Variants in ROR1 observed in about 807,000 individuals in gnomAD.
The protein encoded by ROR1 is inactive tyrosine-protein kinase transmembrane receptor ROR1.
ROR1 carries 19 observed loss-of-function variants against 78.8 expected under a neutral mutation model. The ratio of observed to expected loss-of-function variants is 0.24; its 90% CI spans 0.17 to 0.35. The LOEUF (loss-of-function observed/expected upper bound fraction) is 0.35, where lower values mean the gene tolerates loss of function less well. Ranked by LOEUF, ROR1 falls within the 10% of genes least tolerant of loss-of-function variation. The pLI is 1.00. For missense variants in ROR1, 917 were observed against 1,177.8 expected, an observed-to-expected ratio of 0.78 and a Z score of 3.24; for synonymous variants, 386 against 433.6, an observed-to-expected ratio of 0.89 and a Z score of 1.36.
chr1:63,886,821 A>T (rs1308474964), intron 1 of ROR1, among the ~76,000 whole-genome samples: 1 of 152,204 alleles, frequency 6.6e-6, no homozygotes, highest in African/African-American at 2.4e-5. Context: ...CCTAAATCAG[A>T]ACCGTCAGCT....
rs186540012 is a variant in ROR1 at position 63,985,121 on chromosome 1, G to A, written c.92-24184G>A. ...AAATTTTTTGAGTCCCTGGGTCTCC[G>A]CACTTTCTCCTGAGTAGTTCCCAGT... On this transcript the variant is annotated intron_variant, in intron 1 of 8. Transcript: ENST00000371079. 5.9e-5 allele frequency among the ~76,000 whole-genome samples: 9 copies of A among 152,184 alleles called. No homozygotes were observed. The East Asian group carries it at 1.5e-3, about 26-fold the overall frequency.
At chr1:63,941,238 A>T (rs1645837009) in intron 1 of ROR1, among the ~76,000 whole-genome samples, 1 of 152,242 alleles carries the variant, frequency 6.6e-6, no homozygotes, top group Non-Finnish European at 1.5e-5. Flanking sequence ...TAAATATTAT[A>T]CACATATATT....
chr1:63,952,603 A>G (rs1448278313), intron 1 of ROR1, among the ~76,000 whole-genome samples: 1 of 152,152 alleles, frequency 6.6e-6, no homozygotes. Flanking sequence ...CTGGAGCTGG[A>G]GTTCTCTGAG....
chr1:64,156,879 G>A (rs1649789911), intron 7 of ROR1, among the ~76,000 whole-genome samples: 1 of 152,104 alleles, frequency 6.6e-6, no homozygotes, highest in Non-Finnish European at 1.5e-5. Context: ...GTGAAGTGTA[G>A]TAGCTAGAAT....
intron 4 of ROR1, among the ~76,000 whole-genome samples, chr1:64,131,637 G>T (rs1017639684): frequency 6.6e-6 from 1 of 151,950 alleles, no homozygotes; most frequent in Non-Finnish European, 1.5e-5. Flanking sequence ...GTTTTAAAGA[G>T]ATGGTCTTGC....
intron 1 of ROR1, chr1:63,843,417 G>T: frequency 2.7e-6 from 2 of 745,966 alleles, no homozygotes; most frequent in Non-Finnish European, 4.9e-6. Context: ...GCTCTCCTTG[G>T]TCTCGTAGGT....
intron 4 of ROR1, among the ~76,000 whole-genome samples, chr1:64,098,436 C>T (rs185859432): frequency 1.2e-4 from 19 of 152,246 alleles, no homozygotes; most frequent in Admixed American, 6.5e-4. Context: ...GGAGGTTCCG[C>T]GGTCTCTCTT....
intron 1 of ROR1, among the ~76,000 whole-genome samples, chr1:63,947,343 T>C (rs1377053153): frequency 6.6e-6 from 1 of 152,224 alleles, no homozygotes; most frequent in East Asian, 1.9e-4. Flanking sequence ...ATTTCCGTTC[T>C]GACCTCCATG....
chr1:64,049,598 G>A, intron 2 of ROR1, 93 bp from the exon 3 acceptor site: 1 of 1,128,848 alleles, frequency 8.9e-7, no homozygotes, highest in Non-Finnish European at 1.3e-6. Flanking sequence ...CAGCCTCTCT[G>A]TGATCCCAAG....
At chr1:63,940,954 G>A (rs958787091) in intron 1 of ROR1, among the ~76,000 whole-genome samples, 8 of 152,248 alleles carry the variant, frequency 5.3e-5, no homozygotes, top group South Asian at 2.1e-4. Context: ...CCAACACTGC[G>A]TAACCCGAAT....
At chr1:64,166,915 A>G (rs1321952427) in intron 8 of ROR1, among the ~76,000 whole-genome samples, 1 of 152,234 alleles carries the variant, frequency 6.6e-6, no homozygotes, top group Non-Finnish European at 1.5e-5. Flanking sequence ...AACAAGTCCT[A>G]TAAATGACTA....
chr1:63,928,662 C>G (rs1347131812), intron 1 of ROR1, among the ~76,000 whole-genome samples: 1 of 152,214 alleles, frequency 6.6e-6, no homozygotes, highest in East Asian at 1.9e-4. Context: ...AATCCTAATT[C>G]TGCCATTACT....
At chr1:63,879,796 A>G (rs1405575614) in intron 1 of ROR1, among the ~76,000 whole-genome samples, 1 of 152,216 alleles carries the variant, frequency 6.6e-6, no homozygotes, top group African/African-American at 2.4e-5. Flanking sequence ...AAGAAGTACC[A>G]GCATGAGATC....
At chr1:64,101,085 G>T (rs976727009) in intron 4 of ROR1, among the ~76,000 whole-genome samples, 5 of 152,182 alleles carry the variant, frequency 3.3e-5, no homozygotes, top group African/African-American at 9.6e-5. Flanking sequence ...AATCATGAGG[G>T]TATTTTACAT....
intron 1 of ROR1, among the ~76,000 whole-genome samples, chr1:63,810,603 A>G (rs1313076535): frequency 6.6e-6 from 1 of 152,238 alleles, no homozygotes; most frequent in Admixed American, 6.5e-5. Flanking sequence ...AGAAGCCTTC[A>G]CAGAAAAGAT....
In ROR1 at chr1:64,010,722, G is replaced by A. The variant is rs531018021; in HGVS notation, c.163+1346G>A. On this transcript the variant is annotated intron_variant, in intron 2 of 8. Transcript: ENST00000371079. Reference sequence around the variant, plus strand: ...CGTGTTGTGAGAGGGACCAGGTGGAGATAATTGAATCATGAGGGTGGTTTC... The same window carrying A: ...CGTGTTGTGAGAGGGACCAGGTGGAAATAATTGAATCATGAGGGTGGTTTC... Among the ~76,000 whole-genome samples, 4 of 152,260 alleles carry A rather than the reference G, an allele frequency of 2.6e-5. No homozygotes were observed. In the South Asian group the frequency reaches 8.3e-4, roughly 32 times the overall value.
chr1:63,831,032 C>T (rs1644985090), intron 1 of ROR1, among the ~76,000 whole-genome samples: 1 of 152,214 alleles, frequency 6.6e-6, no homozygotes, highest in African/African-American at 2.4e-5. Context: ...GTCTCACATC[C>T]AGGGCATGCT....
intron 4 of ROR1, among the ~76,000 whole-genome samples, chr1:64,125,190 G>A (rs1648668604): frequency 6.6e-6 from 1 of 152,196 alleles, no homozygotes; most frequent in African/African-American, 2.4e-5. Flanking sequence ...TTTAAGGCGG[G>A]CTTTGGCTTT....
chr1:63,811,364 A>G (rs596985), intron 1 of ROR1, among the ~76,000 whole-genome samples: 32,301 of 152,098 alleles, frequency 0.21, 9,316 homozygotes, highest in African/African-American at 0.66. Context: ...TAAAATTGTC[A>G]CATAGGCAGC....
Sources: allele counts gnomAD v4.1 joint callset (sites outside exome capture counted in the v4.1 genomes callset), GRCh38; gene constraint gnomAD v4.1.1; transcripts MANE v1.5; gene names NCBI Gene and HGNC (gene_info 2026-07-23, HGNC 2026-07-21).